The following CUL3 variants were observed in gnomAD, a reference collection of about 807,000 sequenced individuals.
The protein encoded by CUL3 is cullin 3.
A neutral mutation model predicts 89.1 loss-of-function variants in CUL3; 19 were observed. The observed-to-expected ratio is 0.21, with a 90% CI of 0.15 to 0.31. The LOEUF is 0.31. CUL3 is among the 10% of genes least tolerant of loss of function. CUL3 has a pLI of 1.00. For missense variants in CUL3, 469 were observed against 942.3 expected (o/e 0.50, Z 6.58); for synonymous variants, 351 against 308.4 (o/e 1.14, Z -1.45).
At chr2:224,499,397 T>A (rs1692288905) in intron 11 of CUL3, 1 of 239,976 alleles carries the variant, frequency 4.2e-6, no homozygotes, top group Non-Finnish European at 9.3e-6. Flanking sequence ...GGTGAAGAAT[T>A]TGTACAGTGC....
intron 15 of CUL3, among the ~76,000 whole-genome samples, chr2:224,477,624 T>C (rs1310296548): frequency 6.6e-6 from 1 of 152,234 alleles, no homozygotes; most frequent in African/African-American, 2.4e-5. Flanking sequence ...TACCCTTCTC[T>C]TTTTGGTTAA....
rs2106331490 is a variant in CUL3, at chr2:224,585,070, T to C, written c.-61A>G. The C allele has an allele frequency of 7.3e-7, 1 of 1,378,310 alleles. No individual in the cohort carries two copies. Among genetic ancestry groups the C allele is most frequent in the Non-Finnish European group, 9.7e-7 (1 of 1,029,910 alleles). 85.4% of individuals were successfully genotyped at this position (1,378,310 alleles called of 1,614,324 possible). A position where few individuals can be genotyped will look rare whatever the true frequency, so the allele number is the denominator to read the frequency against. ...GCGCTCCGCGACGCCGGTGTCACAT[T>C]TAAGGCGGGCAGGCAGGCTAGGGGC... On this transcript the variant is annotated 5_prime_UTR_variant, in exon 1 of 16. Coordinates refer to ENST00000264414, the MANE Select transcript of CUL3 (RefSeq NM_003590.5).
Position 224,555,558 on chromosome 2 carries a change from C to T in CUL3, c.264+2101G>A, listed in dbSNP as rs192519598. Among the ~76,000 whole-genome samples, 9 of 152,276 alleles carry T rather than the reference C, an allele frequency of 5.9e-5. No individual in the cohort carries two copies. The East Asian group carries it at 1.7e-3, about 29-fold the overall frequency. ...TACAGTTTAGTCCAAATTACTTAGT[C>T]TGGCACCCAAATTTTTCTACAATCT... On this transcript the variant is annotated intron_variant, in intron 2 of 15. Coordinates refer to ENST00000264414, the MANE Select transcript of CUL3 (RefSeq NM_003590.5).
At chr2:224,500,849 C>T (rs369747453) in intron 10 of CUL3, among the ~76,000 whole-genome samples, 1 of 152,032 alleles carries the variant, frequency 6.6e-6, no homozygotes, top group Non-Finnish European at 1.5e-5. Flanking sequence ...GTCTCGAACT[C>T]CTGACCTCAG....
chr2:224,530,305 G>C (rs1239334639), intron 3 of CUL3, among the ~76,000 whole-genome samples: 1 of 152,010 alleles, frequency 6.6e-6, no homozygotes, highest in Non-Finnish European at 1.5e-5. Context: ...GTAGTAGGTG[G>C]GCAGACAGTG....
intron 3 of CUL3, among the ~76,000 whole-genome samples, chr2:224,523,981 G>C (rs1164896827): frequency 6.6e-6 from 1 of 152,074 alleles, no homozygotes; most frequent in Non-Finnish European, 1.5e-5. Flanking sequence ...ATTCTGGAGA[G>C]GATGGTGGTG....
chr2:224,495,875 G>C lies in CUL3; in HGVS notation c.1799C>G (p.Thr600Ser), dbSNP rs2106179728. The C allele has an allele frequency of 6.2e-7, 1 of 1,612,436 alleles. No homozygotes were observed. Among genetic ancestry groups the C allele is most frequent in the South Asian group, 1.1e-5 (1 of 91,036 alleles). ...HILQVSTFQM[T>S]ILMLFNNREK... is the part of the protein sequence containing the mutation. ...TCTATTATTAAAGAGCATTAATATG[G>C]TCATCTGGAAAGTGGAAACTTGCAA... Residue 600 changes from threonine to serine, a missense_variant, in exon 13 of 16, where the codon ACC becomes AGC. Coordinates refer to ENST00000264414, the MANE Select transcript of CUL3 (RefSeq NM_003590.5).
intron 15 of CUL3, among the ~76,000 whole-genome samples, chr2:224,477,729 T>C (rs948928404): frequency 6.6e-6 from 1 of 152,208 alleles, no homozygotes; most frequent in East Asian, 1.9e-4. Flanking sequence ...GTAAAGTCTG[T>C]CAATTCTACT....
rs2106214746 is a variant in CUL3 at position 224,511,361 on chromosome 2, C to G, written c.876G>C (p.Lys292Asn). The stretch of plus-strand genomic sequence containing the variant: ...TCAATCGGTAACACTTACCTTCTGT[C>G]TTTCCATTTTTCAACATATGTACTA... ...SGLVHMLKNG[K>N]TEDLGCMYKL... Residue 292 changes from lysine to asparagine, a missense_variant, in exon 6 of 16, where the codon AAG becomes AAC. Coordinates refer to ENST00000264414, the MANE Select transcript of CUL3 (RefSeq NM_003590.5). 1 of 1,598,480 alleles carries G rather than the reference C, an allele frequency of 6.3e-7. No homozygotes were observed. The highest frequency in any genetic ancestry group is 8.6e-7 in the Non-Finnish European group (1 of 1,169,566).
chr2:224,558,115 T>C (rs767860973), intron 1 of CUL3, among the ~76,000 whole-genome samples: 2 of 152,140 alleles, frequency 1.3e-5, no homozygotes, highest in Non-Finnish European at 2.9e-5. Context: ...AGCAGAACTC[T>C]TCACTTTAAA....
intron 1 of CUL3, chr2:224,560,350 C>A (rs953953970): frequency 2.6e-5 from 4 of 152,118 alleles, no homozygotes; most frequent in African/African-American, 9.7e-5. Context: ...TTGATACATT[C>A]TCTGGCCCCC....
chr2:224,534,673 T>C (rs16825678), intron 3 of CUL3, among the ~76,000 whole-genome samples: 14,479 of 152,066 alleles, frequency 0.095, 918 homozygotes, highest in East Asian at 0.27. Flanking sequence ...ATTCACTAAG[T>C]ATGTGAACAA....
At chr2:224,515,366 A>T (rs976074223) in intron 3 of CUL3, among the ~76,000 whole-genome samples, 2 of 152,238 alleles carry the variant, frequency 1.3e-5, no homozygotes, top group Non-Finnish European at 2.9e-5. Flanking sequence ...CAGATAATCC[A>T]GAAGTGTTGT....
At chr2:224,505,486 A>T (rs1168311708) in intron 8 of CUL3, among the ~76,000 whole-genome samples, 1 of 152,128 alleles carries the variant, frequency 6.6e-6, no homozygotes, top group East Asian at 1.9e-4. Flanking sequence ...CCCAGCATAG[A>T]GTGCAGTCAC....
rs138586264 is a variant in CUL3 at position 224,498,704 on chromosome 2, G to GCA, written c.1611-857_1611-856dup. 5.7e-3 allele frequency among the ~76,000 whole-genome samples: 870 copies of GCA among 152,316 alleles called. 8 individuals are homozygous for GCA. Among genetic ancestry groups the GCA allele is most frequent in the African/African-American group, 0.02 (847 of 41,570 alleles). On this transcript the variant is annotated intron_variant, in intron 11 of 15. Coordinates refer to ENST00000264414, the MANE Select transcript of CUL3 (RefSeq NM_003590.5). The stretch of plus-strand genomic sequence containing the variant: ...GATTCACTATTACAATAAGGATCAT[G>GCA]CAGTTGACCAGGGTGAAGCAGGACT...
chr2:224,575,757 C>G (rs549181964), intron 1 of CUL3, among the ~76,000 whole-genome samples: 2 of 152,076 alleles, frequency 1.3e-5, no homozygotes, highest in Non-Finnish European at 2.9e-5. Context: ...CAAAGTCCTA[C>G]ATCTAACAAA....
intron 14 of CUL3, chr2:224,479,564 AGGCAATATGG>A (rs1691452377): frequency 6.6e-6 from 1 of 152,200 alleles, no homozygotes; most frequent in South Asian, 2.1e-4. Flanking sequence ...GAGACAACTG[AGGCAATATGG>A]GTGGTAAACA....
Position 224,485,797 on chromosome 2 carries a change from C to G in CUL3, c.1843-3719G>C, listed in dbSNP as rs1691697072. Among the ~76,000 whole-genome samples, 1 of 152,218 alleles carries G rather than the reference C, an allele frequency of 6.6e-6. No individual in the cohort carries two copies. Among genetic ancestry groups the G allele is most frequent in the Admixed American group, 6.5e-5 (1 of 15,290 alleles). ...TGCCTCCTCAAGTGGGTCCGTGTCC[C>G]CCATGCCTCCCTGACAGGAGACACC... On this transcript the variant is annotated intron_variant, in intron 13 of 15. Coordinates refer to ENST00000264414, the MANE Select transcript of CUL3 (RefSeq NM_003590.5). This position sits in a 1 kb window ranked among gnomAD's most constrained non-coding sequence, Gnocchi z 4.1.
intron 2 of CUL3, among the ~76,000 whole-genome samples, chr2:224,540,599 C>T (rs1342863153): frequency 6.6e-6 from 1 of 152,136 alleles, no homozygotes; most frequent in African/African-American, 2.4e-5. Context: ...CTGTCTCTTC[C>T]CTTTGCAGAA....
Sources: allele counts gnomAD v4.1 joint callset (sites outside exome capture counted in the v4.1 genomes callset), GRCh38; gene constraint gnomAD v4.1.1; non-coding constraint Gnocchi (gnomAD v3.1); transcripts MANE v1.5; gene names NCBI Gene and HGNC (gene_info 2026-07-23, HGNC 2026-07-21).